DCAF17: variants seen among roughly 807,000 people sequenced by gnomAD.
The protein encoded by DCAF17 is DDB1 and CUL4 associated factor 17.
Under a neutral mutation model 66.0 loss-of-function variants are expected in DCAF17, and 48 were observed. That is an observed-to-expected ratio of 0.73 (90% CI 0.58 to 0.92). The LOEUF is 0.92. DCAF17 is among the 40% of genes least tolerant of loss of function. DCAF17 has a pLI of 0.00. For missense variants in DCAF17, 562 were observed against 622.8 expected (o/e 0.90, Z 1.04); for synonymous variants, 206 against 214.6 (o/e 0.96, Z 0.35).
intron 2 of DCAF17, among the ~76,000 whole-genome samples, chr2:171,436,993 C>T (rs1332902017): frequency 1.3e-5 from 2 of 152,054 alleles, no homozygotes; most frequent in African/African-American, 2.4e-5. Context: ...AGGCTGGTCT[C>T]GAACGCCCAG....
At chr2:171,468,560 C>T (rs768187940) in intron 8 of DCAF17, among the ~76,000 whole-genome samples, 7 of 151,994 alleles carry the variant, frequency 4.6e-5, no homozygotes, top group Non-Finnish European at 7.4e-5. Flanking sequence ...AATAAATGTC[C>T]GCTACTTTTA....
At chr2:171,456,689 C>G (rs936241033) in intron 6 of DCAF17, among the ~76,000 whole-genome samples, 3 of 151,286 alleles carry the variant, frequency 2.0e-5, no homozygotes, top group Non-Finnish European at 4.4e-5. Context: ...TTGTAGAGAT[C>G]TTTCACTTCC....
rs773607342 is a variant in DCAF17, at chr2:171,483,042, T to G, written c.*1928T>G. ...TTAGTTTCAGCCAGTTGCAACAGTA[T>G]GTGGGAATGTAGGCTGCATGGTTGT... On this transcript the variant is annotated 3_prime_UTR_variant, in exon 14 of 14. Transcript: ENST00000375255. The G allele has an allele frequency of 2.0e-5, 9 of 453,988 alleles. 1 individual carries two copies. Among genetic ancestry groups the G allele is most frequent in the Non-Finnish European group, 4.0e-5 (9 of 226,814 alleles). The allele number at this position is 453,988 out of a possible 1,614,324, so 28.1% of individuals were successfully genotyped here. A position where few individuals can be genotyped will look rare whatever the true frequency, so the allele number is the denominator to read the frequency against.
chr2:171,451,716 C>G (rs1009466561), intron 5 of DCAF17, among the ~76,000 whole-genome samples: 1 of 152,130 alleles, frequency 6.6e-6, no homozygotes, highest in Non-Finnish European at 1.5e-5. Flanking sequence ...GCTGGGACTA[C>G]AGGCGTGCAC....
At chr2:171,466,715 T>C (rs549352660) in intron 8 of DCAF17, among the ~76,000 whole-genome samples, 135 of 145,772 alleles carry the variant, frequency 9.3e-4, no homozygotes, top group Admixed American at 2.8e-3. Flanking sequence ...TTTAAGTACA[T>C]CTGTTTGTAC....
At chr2:171,468,280 T>G (rs567354606) in intron 8 of DCAF17, among the ~76,000 whole-genome samples, 1 of 152,280 alleles carries the variant, frequency 6.6e-6, no homozygotes, top group Admixed American at 6.5e-5. Context: ...TTAACTTGTC[T>G]GATGATAATA....
chr2:171,450,937 A>C (rs1325498266), intron 5 of DCAF17, among the ~76,000 whole-genome samples: 1 of 152,096 alleles, frequency 6.6e-6, no homozygotes, highest in Non-Finnish European at 1.5e-5. Context: ...AAACTCAGGC[A>C]GTTTAGCTCT....
chr2:171,443,451 A>C, intron 2 of DCAF17, 72 bp from the exon 3 acceptor site: 1 of 1,277,888 alleles, frequency 7.8e-7, no homozygotes, highest in Non-Finnish European at 1.1e-6. Context: ...GAATAAAAAT[A>C]GTCTCTCAAA....
At chr2:171,458,597 TC>T (rs1695397982) in intron 8 of DCAF17, 120 bp downstream of exon 8, 3 of 764,000 alleles carry the variant, frequency 3.9e-6, no homozygotes, top group Non-Finnish European at 6.5e-6. Context: ...TTCATTTTAC[TC>T]CTATACATCA....
At chr2:171,458,830 C>G (rs553680509) in intron 8 of DCAF17, among the ~76,000 whole-genome samples, 1 of 152,182 alleles carries the variant, frequency 6.6e-6, no homozygotes, top group African/African-American at 2.4e-5. Context: ...GAAATTTACC[C>G]CCTCTCTAAG....
At chr2:171,469,076 C>G in intron 9 of DCAF17, 46 bp downstream of exon 9, 1 of 1,604,636 alleles carries the variant, frequency 6.2e-7, no homozygotes, top group Non-Finnish European at 8.5e-7. Flanking sequence ...GTATCAAGTT[C>G]TTTATTTTCT....
At chr2:171,440,252 T>G (rs1485517204) in intron 2 of DCAF17, among the ~76,000 whole-genome samples, 1 of 152,202 alleles carries the variant, frequency 6.6e-6, no homozygotes, top group East Asian at 1.9e-4. Context: ...TGCCTTGTCA[T>G]TTTTTTGGTT....
chr2:171,445,687 T>A (rs920110954), intron 3 of DCAF17, among the ~76,000 whole-genome samples: 17 of 152,160 alleles, frequency 1.1e-4, no homozygotes, highest in East Asian at 7.7e-4. Flanking sequence ...TAAATTTTTT[T>A]AATATATTTT....
intron 2 of DCAF17, among the ~76,000 whole-genome samples, chr2:171,439,884 C>T (rs1348050589): frequency 6.6e-6 from 1 of 152,124 alleles, no homozygotes; most frequent in Non-Finnish European, 1.5e-5. Context: ...GTTGTGATTG[C>T]ATGCCACTGC....
chr2:171,475,695 C>T (rs897143840), intron 10 of DCAF17, among the ~76,000 whole-genome samples: 3 of 152,090 alleles, frequency 2.0e-5, no homozygotes, highest in Non-Finnish European at 2.9e-5. Context: ...CCCAGGAGTT[C>T]GAGGCTGCAG....
rs1195890921 is a variant in DCAF17, at chr2:171,457,822, A to C, written c.628-149A>C. The C allele has an allele frequency of 1.3e-5, 10 of 770,994 alleles. No homozygotes were observed. In the East Asian group the frequency reaches 2.5e-4, roughly 19 times the overall value. 47.8% of individuals were successfully genotyped at this position (770,994 alleles called of 1,614,324 possible). A position where few individuals can be genotyped will look rare whatever the true frequency, so the allele number is the denominator to read the frequency against. ...CACTCCTAATAACACCCTAGCCTCAAGGTGATAAATTATAATGAGGTTTTA... is the reference window on the plus strand; with the variant it reads ...CACTCCTAATAACACCCTAGCCTCACGGTGATAAATTATAATGAGGTTTTA... On this transcript the variant is annotated intron_variant, in intron 6 of 13. Coordinates refer to ENST00000375255, the MANE Select transcript of DCAF17 (RefSeq NM_025000.4).
intron 8 of DCAF17, among the ~76,000 whole-genome samples, chr2:171,460,322 CAA>C (rs770720263): frequency 0.3 from 22,966 of 76,332 alleles, 1,576 homozygotes; most frequent in South Asian, 0.38. Flanking sequence ...GATTCCATCT[CAA>C]AAAAAAAAAA....
At chr2:171,455,359 G>A (rs1412428198) in intron 6 of DCAF17, among the ~76,000 whole-genome samples, 1 of 152,066 alleles carries the variant, frequency 6.6e-6, no homozygotes, top group Non-Finnish European at 1.5e-5. Flanking sequence ...TGGCTGCATA[G>A]TATTCCCTGG....
intron 2 of DCAF17, among the ~76,000 whole-genome samples, chr2:171,438,746 T>A (rs892550465): frequency 2.0e-5 from 3 of 151,592 alleles, no homozygotes; most frequent in Non-Finnish European, 4.4e-5. Context: ...CCTTTTTTTT[T>A]CCCCCCCAAA....
Sources: allele counts gnomAD v4.1 joint callset (sites outside exome capture counted in the v4.1 genomes callset), GRCh38; gene constraint gnomAD v4.1.1; transcripts MANE v1.5; gene names NCBI Gene and HGNC (gene_info 2026-07-23, HGNC 2026-07-21).